Variants in FHIT observed in about 807,000 individuals in gnomAD.
The protein encoded by FHIT is fragile histidine triad diadenosine triphosphatase, also known as bis(5'-adenosyl)-triphosphatase.
FHIT carries 19 observed loss-of-function variants against 17.9 expected under a neutral mutation model. The ratio of observed to expected loss-of-function variants is 1.06; its 90% CI spans 0.74 to 1.56. The LOEUF is 1.56. FHIT is among the 40% of genes most tolerant of loss of function. The pLI, the probability that FHIT is intolerant of heterozygous loss-of-function variation, is 0.00. For missense variants in FHIT, 248 were observed against 189.2 expected (o/e 1.31, Z -1.82); for synonymous variants, 81 against 69.7 (o/e 1.16, Z -0.81).
At chr3:61,205,389 A>G (rs2039190152) in intron 1 of FHIT, among the ~76,000 whole-genome samples, 1 of 152,192 alleles carries the variant, frequency 6.6e-6, no homozygotes, top group Non-Finnish European at 1.5e-5. Context: ...TCCCTGAGGA[A>G]TCGCCACACT....
At chr3:59,964,875 G>A (rs1485905) in intron 7 of FHIT, among the ~76,000 whole-genome samples, 24 of 152,164 alleles carry the variant, frequency 1.6e-4, no homozygotes, top group African/African-American at 4.6e-4. Flanking sequence ...AATATCATTA[G>A]GCTCAGCATC....
rs140390980 is a variant in FHIT, at chr3:59,955,460, C to T, written c.280-33046G>A. On this transcript the variant is annotated intron_variant, in intron 7 of 9. Transcript: ENST00000492590. ...CCAGCGACACACTTTTCTCATTGAA[C>T]CCATTCAGCCCCTCCGCTTTACACA... 1.3e-3 allele frequency among the ~76,000 whole-genome samples: 197 copies of T among 152,310 alleles called. 2 individuals are homozygous for T. The highest frequency in any genetic ancestry group is 4.6e-3 in the African/African-American group (192 of 41,562).
chr3:60,589,052 G>T (rs1475711538), intron 4 of FHIT, among the ~76,000 whole-genome samples: 2 of 151,980 alleles, frequency 1.3e-5, no homozygotes, highest in Non-Finnish European at 2.9e-5. Context: ...TACCGGGCAG[G>T]TGACTCACCC....
chr3:60,043,669 T>C (rs927463458), intron 5 of FHIT, among the ~76,000 whole-genome samples: 5 of 143,378 alleles, frequency 3.5e-5, no homozygotes, highest in African/African-American at 9.9e-5. Flanking sequence ...ATGTTATAGA[T>C]AGACAGATAG....
At chr3:60,315,059 C>T (rs974595062) in intron 5 of FHIT, among the ~76,000 whole-genome samples, 1 of 152,104 alleles carries the variant, frequency 6.6e-6, no homozygotes, top group Admixed American at 6.6e-5. Flanking sequence ...CACCCTGAGG[C>T]TACCATATTA....
intron 3 of FHIT, among the ~76,000 whole-genome samples, chr3:61,024,074 A>G (rs2032603858): frequency 6.6e-6 from 1 of 152,082 alleles, no homozygotes; most frequent in Admixed American, 6.5e-5. Flanking sequence ...GAGAAATAAC[A>G]TAGTATATTT....
chr3:59,977,645 C>G (rs1708474598), intron 7 of FHIT, among the ~76,000 whole-genome samples: 1 of 152,114 alleles, frequency 6.6e-6, no homozygotes, highest in Admixed American at 6.6e-5. Context: ...ATTGTTTCGT[C>G]TAACAATTAA....
chr3:60,364,476 T>C (rs1371851437), intron 5 of FHIT, among the ~76,000 whole-genome samples: 2 of 152,238 alleles, frequency 1.3e-5, no homozygotes, highest in Non-Finnish European at 2.9e-5. Context: ...CATGCACCAC[T>C]GTACCTGGTA....
At chr3:59,919,368 G>A (rs747566010) in intron 8 of FHIT, among the ~76,000 whole-genome samples, 6 of 152,176 alleles carry the variant, frequency 3.9e-5, no homozygotes, top group South Asian at 4.2e-4. Flanking sequence ...TTTGTAGTCC[G>A]ATACTCACAG....
chr3:60,688,272 G>C (rs2040904095), intron 4 of FHIT, among the ~76,000 whole-genome samples: 1 of 152,140 alleles, frequency 6.6e-6, no homozygotes, highest in Non-Finnish European at 1.5e-5. Context: ...AGATAGGTTA[G>C]ATGCATTTCC....
chr3:60,778,634 GTGTT>G (rs1700281563), intron 4 of FHIT, among the ~76,000 whole-genome samples: 1 of 152,180 alleles, frequency 6.6e-6, no homozygotes, highest in South Asian at 2.1e-4. Context: ...AGTTTGAAGC[GTGTT>G]TGTTTCTCTC....
At chr3:60,158,117 A>C (rs1700782510) in intron 5 of FHIT, among the ~76,000 whole-genome samples, 1 of 152,166 alleles carries the variant, frequency 6.6e-6, no homozygotes, top group Non-Finnish European at 1.5e-5. Flanking sequence ...GAACAAAAGA[A>C]GAAAAAAGCA....
chr3:60,488,706 A>G (rs1270450101), intron 5 of FHIT, among the ~76,000 whole-genome samples: 2 of 152,186 alleles, frequency 1.3e-5, no homozygotes, highest in Non-Finnish European at 2.9e-5. Context: ...TAGTATACAT[A>G]AATATTTAAG....
At chr3:60,184,206 G>C (rs1433584097) in intron 5 of FHIT, among the ~76,000 whole-genome samples, 2 of 151,912 alleles carry the variant, frequency 1.3e-5, no homozygotes, top group African/African-American at 4.8e-5. Flanking sequence ...ACTGGTCTCA[G>C]ACTCTTGGTG....
intron 3 of FHIT, among the ~76,000 whole-genome samples, chr3:60,959,066 T>C (rs890908472): frequency 3.3e-5 from 5 of 152,222 alleles, no homozygotes; most frequent in African/African-American, 9.6e-5. Flanking sequence ...TCAGGAATTG[T>C]CTGTCTTTAA....
rs546604252 is a variant in FHIT at position 60,717,884 on chromosome 3, C to G, written c.-18+104035G>C. Reference sequence around the variant, plus strand: ...GGTATAGCTGTCTACAAGAAATCAACTCAACAAAAGCTGAAGACAACACAC... The same window carrying G: ...GGTATAGCTGTCTACAAGAAATCAAGTCAACAAAAGCTGAAGACAACACAC... On this transcript the variant is annotated intron_variant, in intron 4 of 9. Transcript: ENST00000492590. Among the ~76,000 whole-genome samples, 10 of 152,292 alleles carry G rather than the reference C, an allele frequency of 6.6e-5. No individual in the cohort carries two copies. The South Asian group carries it at 8.3e-4, about 13-fold the overall frequency.
At chr3:60,734,154 T>G (rs555155644) in intron 4 of FHIT, among the ~76,000 whole-genome samples, 2 of 140,086 alleles carry the variant, frequency 1.4e-5, no homozygotes, top group South Asian at 4.9e-4. Context: ...TTCACTCTCC[T>G]GGGCCTGTGA....
intron 5 of FHIT, among the ~76,000 whole-genome samples, chr3:60,432,393 T>C (rs1420520718): frequency 2.0e-5 from 3 of 152,102 alleles, no homozygotes; most frequent in African/African-American, 7.2e-5. Context: ...CTACAATTAT[T>C]AATGAAAAGG....
At position 60,290,156 on chromosome 3, in the gene FHIT, A is replaced by G. The variant is rs189960976; in HGVS notation, c.103+246704T>C. 4.0e-3 allele frequency among the ~76,000 whole-genome samples: 608 copies of G among 152,244 alleles called. 2 individuals carry two copies. The highest frequency in any genetic ancestry group is 0.014 in the African/African-American group (577 of 41,560). Reference sequence around the variant, plus strand: ...ACACCAGGCCCCTCTGTGTTCCGAGAAGTCAGCACATACCCTAAGCTAGAA... The same window carrying G: ...ACACCAGGCCCCTCTGTGTTCCGAGGAGTCAGCACATACCCTAAGCTAGAA... On this transcript the variant is annotated intron_variant, in intron 5 of 9. Coordinates refer to ENST00000492590, the MANE Select transcript of FHIT (RefSeq NM_002012.4).
Sources: gnomAD v4.1 joint callset for allele counts (sites outside exome capture counted in the v4.1 genomes callset) on GRCh38, gnomAD v4.1.1 for gene constraint, MANE v1.5 for transcripts, NCBI Gene and HGNC (gene_info 2026-07-23, HGNC 2026-07-21) for gene names.